The following RIC1 variants were observed in gnomAD, a reference collection of about 807,000 sequenced individuals.
RIC1 encodes guanine nucleotide exchange factor subunit RIC1.
RIC1 carries 88 observed loss-of-function variants against 169.0 expected under a neutral mutation model. That is an observed-to-expected ratio of 0.52 (90% CI 0.44 to 0.62). The LOEUF (loss-of-function observed/expected upper bound fraction) is 0.62. Among genes scored for constraint, RIC1 ranks in the 20% least tolerant of loss-of-function variants. The pLI, the probability that RIC1 is intolerant of heterozygous loss-of-function variation, is 0.00. For synonymous variants in RIC1, 790 were observed against 601.5 expected, an observed-to-expected ratio of 1.31 and a Z score of -4.59; for missense variants, 1,877 against 1,725.5, an observed-to-expected ratio of 1.09 and a Z score of -1.56.
Position 5,723,991 on chromosome 9 carries a change from G to A in RIC1, c.720+3241G>A, listed in dbSNP as rs370814923. 1.1e-3 allele frequency among the ~76,000 whole-genome samples: 163 copies of A among 152,132 alleles called. 4 individuals carry two copies. The South Asian group carries it at 0.025, about 23-fold the overall frequency. On this transcript the variant is annotated intron_variant, in intron 6 of 25. Transcript: ENST00000414202. ...GTAGTATAGTTTGAAGTCAGGTAGCGTGATGCCTCCAGCTTTGTTCTTTTG... is the reference window on the plus strand; with the variant it reads ...GTAGTATAGTTTGAAGTCAGGTAGCATGATGCCTCCAGCTTTGTTCTTTTG...
At chr9:5,683,692 A>C (rs2130662503) in intron 2 of RIC1, among the ~76,000 whole-genome samples, 1 of 152,306 alleles carries the variant, frequency 6.6e-6, no homozygotes, top group South Asian at 2.1e-4. Flanking sequence ...GGGACATTTA[A>C]GTCTGCAGAG....
At chr9:5,673,718 A>C (rs1339021062) in intron 2 of RIC1, among the ~76,000 whole-genome samples, 1 of 151,738 alleles carries the variant, frequency 6.6e-6, no homozygotes, top group African/African-American at 2.4e-5. Context: ...GAAAACACTA[A>C]GTGAAAAAAA....
chr9:5,658,953 A>C (rs2130471123), intron 2 of RIC1, among the ~76,000 whole-genome samples: 1 of 152,046 alleles, frequency 6.6e-6, no homozygotes, highest in Admixed American at 6.6e-5. Flanking sequence ...TTCAAATATG[A>C]ATTATGTAAA....
chr9:5,688,412 T>C (rs1821382655), intron 2 of RIC1, among the ~76,000 whole-genome samples: 1 of 152,220 alleles, frequency 6.6e-6, no homozygotes, highest in South Asian at 2.1e-4. Flanking sequence ...GCCAGTGTTT[T>C]GAAAAGTATT....
intron 2 of RIC1, among the ~76,000 whole-genome samples, chr9:5,687,525 A>G (rs963860837): frequency 6.6e-6 from 1 of 152,012 alleles, no homozygotes; most frequent in African/African-American, 2.4e-5. Flanking sequence ...GCATCCCACA[A>G]ATTTTGGGAT....
In RIC1 at chr9:5,720,322, G is replaced by C. The variant is rs1563924851; in HGVS notation, c.581G>C (p.Arg194Thr). 1 of 1,611,700 alleles carries C rather than the reference G, an allele frequency of 6.2e-7. No homozygotes were observed. The highest frequency in any genetic ancestry group is 8.5e-7 in the Non-Finnish European group (1 of 1,179,032). Residue 194 changes from arginine (R) to threonine (T), a missense_variant and splice_region_variant, in exon 5 of 26, where the codon AGA becomes ACA. Arg to Thr is a moderately conservative substitution (Grantham distance 71). Coordinates refer to ENST00000414202, the MANE Select transcript of RIC1 (RefSeq NM_020829.4). ...TTTTCAGTAGACCTGCAGTCATCTAGAGGTAGCTATACTTTCTACATGAGG... is the reference window on the plus strand; with the variant it reads ...TTTTCAGTAGACCTGCAGTCATCTACAGGTAGCTATACTTTCTACATGAGG... ...VPFSVDLQSS[R>T]VGSFLGFTDV...
rs541840586 is a variant in RIC1 at position 5,641,691 on chromosome 9, A to G, written c.144+12238A>G. 5.2e-5 allele frequency among the ~76,000 whole-genome samples: 6 copies of G among 115,456 alleles called. 1 individual carries two copies. The highest frequency in any genetic ancestry group is 2.4e-4 in the South Asian group (1 of 4,100). The allele number at this position is 115,456 out of a possible 152,430, so 75.7% of individuals were successfully genotyped here. ...ACTAATTCTTTCTTCTGCTTGATCA[A>G]TTCTGCTTTTCAGAGACTCTGATGC... On this transcript the variant is annotated intron_variant, in intron 1 of 25. Coordinates refer to ENST00000414202, the MANE Select transcript of RIC1 (RefSeq NM_020829.4).
At chr9:5,749,172 C>T (rs765151577) in intron 12 of RIC1, among the ~76,000 whole-genome samples, 2 of 152,146 alleles carry the variant, frequency 1.3e-5, no homozygotes, top group Admixed American at 6.5e-5. Flanking sequence ...CATCACTCTA[C>T]GTTAAAGTAA....
Position 5,763,433 on chromosome 9 carries a change from T to C in RIC1, c.2406T>C (p.Tyr802=), listed in dbSNP as rs1563716943. ...VNDTLLYDSL[Y]TRNNAREQLE... is the part of the protein sequence containing the mutation. ...ACACTTTGCTCTATGATTCTTTATA[T>C]ACTCGGAACAATGCTAGAGAACAGC... Residue 802 remains tyrosine (Y), a synonymous_variant, in exon 19 of 26, where the codon TAT becomes TAC. Coordinates refer to ENST00000414202, the MANE Select transcript of RIC1 (RefSeq NM_020829.4). This position sits in a 1 kb window ranked among gnomAD's most constrained non-coding sequence, Gnocchi z 5.2. The C allele has an allele frequency of 6.2e-7, 1 of 1,614,218 alleles. No individual in the cohort carries two copies. The highest frequency in any genetic ancestry group is 8.5e-7 in the Non-Finnish European group (1 of 1,180,032).
chr9:5,629,153 C>A lies in RIC1; in HGVS notation c.-157C>A. On this transcript the variant is annotated 5_prime_UTR_variant, in exon 1 of 26. Coordinates refer to ENST00000414202, the MANE Select transcript of RIC1 (RefSeq NM_020829.4). ...GGGGTGCCTTCGTCGCGCAGCCTTGCGTCGGCCCGGCCCGGCCAGGCCAGC... is the reference window on the plus strand; with the variant it reads ...GGGGTGCCTTCGTCGCGCAGCCTTGAGTCGGCCCGGCCCGGCCAGGCCAGC... 1.6e-6 allele frequency: 1 copy of A among 619,860 alleles called. No individual in the cohort carries two copies. Among genetic ancestry groups the A allele is most frequent in the Non-Finnish European group, 2.3e-6 (1 of 431,154 alleles). 38.4% of individuals were successfully genotyped at this position (619,860 alleles called of 1,614,324 possible). A position where few individuals can be genotyped will look rare whatever the true frequency, so the allele number is the denominator to read the frequency against.
At chr9:5,679,026 G>T (rs911336672) in intron 2 of RIC1, among the ~76,000 whole-genome samples, 1 of 152,058 alleles carries the variant, frequency 6.6e-6, no homozygotes, top group Admixed American at 6.6e-5. Flanking sequence ...TTTGTATAAG[G>T]TATAAGGAAG....
intron 6 of RIC1, among the ~76,000 whole-genome samples, chr9:5,730,097 A>G (rs1333941189): frequency 1.3e-5 from 2 of 152,184 alleles, no homozygotes; most frequent in Non-Finnish European, 2.9e-5. Context: ...TAGAAAATAC[A>G]AATTACAAGA....
At chr9:5,682,654 A>G (rs55786261) in intron 2 of RIC1, among the ~76,000 whole-genome samples, 2,517 of 152,092 alleles carry the variant, frequency 0.017, 29 homozygotes, top group Non-Finnish European at 0.027. Context: ...TGCTCTTCTC[A>G]AGGAGTATCT....
intron 3 of RIC1, 100 bp downstream of exon 3, chr9:5,690,138 C>A: frequency 1.5e-6 from 1 of 687,030 alleles, no homozygotes; most frequent in Non-Finnish European, 2.3e-6. Flanking sequence ...TAGAATAAAA[C>A]TAAACCAGCA....
chr9:5,675,945 A>G lies in RIC1; in HGVS notation c.253-14014A>G, dbSNP rs576840754. On this transcript the variant is annotated intron_variant, in intron 2 of 25. Coordinates refer to ENST00000414202, the MANE Select transcript of RIC1 (RefSeq NM_020829.4). ...AAAATAACAATGAGAAAATTATGAC[A>G]GTAAAAGAAATCTAATCTAACCCCC... is the stretch of plus-strand genomic sequence containing the variant. Among the ~76,000 whole-genome samples, 4 of 152,356 alleles carry G rather than the reference A, an allele frequency of 2.6e-5. No homozygotes were observed. The South Asian group carries it at 6.2e-4, about 24-fold the overall frequency.
At chr9:5,732,248 G>A in intron 6 of RIC1, 140 bp from the exon 7 acceptor site, 1 of 646,630 alleles carries the variant, frequency 1.5e-6, no homozygotes. Flanking sequence ...TATTGTGGTA[G>A]TCCTGGTGGG....
intron 1 of RIC1, among the ~76,000 whole-genome samples, chr9:5,635,793 C>G (rs887450100): frequency 2.0e-5 from 3 of 152,152 alleles, no homozygotes; most frequent in Admixed American, 6.5e-5. Context: ...TTTGACTGTT[C>G]CTTCTACACG....
At position 5,774,863 on chromosome 9, in the gene RIC1, T is replaced by A. The variant is rs557714367; in HGVS notation, c.*617T>A. The A allele has an allele frequency of 6.6e-6, 1 of 152,248 alleles. No homozygotes were observed. The highest frequency in any genetic ancestry group is 1.5e-5 in the Non-Finnish European group (1 of 68,064). The allele number at this position is 152,248 out of a possible 1,614,324, so 9.4% of individuals were successfully genotyped here. A position where few individuals can be genotyped will look rare whatever the true frequency, so the allele number is the denominator to read the frequency against. ...AGTTAATGTGCTTGTTTTAGCAAGCTTGATTCCCATTAGACCAATGTGGGC... is the reference window on the plus strand; with the variant it reads ...AGTTAATGTGCTTGTTTTAGCAAGCATGATTCCCATTAGACCAATGTGGGC... On this transcript the variant is annotated 3_prime_UTR_variant, in exon 26 of 26. Coordinates refer to ENST00000414202, the MANE Select transcript of RIC1 (RefSeq NM_020829.4).
intron 17 of RIC1, among the ~76,000 whole-genome samples, chr9:5,758,393 C>T (rs561913202): frequency 6.6e-6 from 1 of 152,254 alleles, no homozygotes; most frequent in Non-Finnish European, 1.5e-5. Context: ...CGAGGCACTT[C>T]GATCAAACCT....
Sources: allele counts gnomAD v4.1 joint callset (sites outside exome capture counted in the v4.1 genomes callset), GRCh38; gene constraint gnomAD v4.1.1; non-coding constraint Gnocchi (gnomAD v3.1); transcripts MANE v1.5; gene names NCBI Gene and HGNC (gene_info 2026-07-23, HGNC 2026-07-21).